The following FGF17 variants were observed in gnomAD, a reference collection of about 807,000 sequenced individuals.
FGF17 encodes fibroblast growth factor 17.
A neutral mutation model predicts 23.5 loss-of-function variants in FGF17; 5 were observed. The ratio of observed to expected loss-of-function variants is 0.21; its 90% CI spans 0.11 to 0.45. The LOEUF (loss-of-function observed/expected upper bound fraction) is 0.45. Among genes scored for constraint, FGF17 ranks in the 20% least tolerant of loss-of-function variants. FGF17 has a pLI of 0.99. For synonymous variants in FGF17, 136 were observed against 123.0 expected (o/e 1.11, Z -0.70); for missense variants, 221 against 306.9 (o/e 0.72, Z 2.09).
intron 2 of FGF17, chr8:22,045,200 A>G: frequency 1.0e-6 from 1 of 985,456 alleles, no homozygotes; most frequent in Non-Finnish European, 1.2e-6. Flanking sequence ...GTGGGGGGAA[A>G]TGGTTCCTCT....
rs375504582 is a variant in FGF17, at chr8:22,046,278, C to A, written c.237C>A (p.Asp79Glu). Reference protein sequence around the residue: ...TGRRISATAEDGNKFAKLIVE... With the variant: ...TGRRISATAEEGNKFAKLIVE... Reference sequence around the variant, plus strand: ...GTCGCATCTCCGCCACCGCCGAGGACGGCAACAAGTTTGGTGAGAGTTGGC... The same window carrying A: ...GTCGCATCTCCGCCACCGCCGAGGAAGGCAACAAGTTTGGTGAGAGTTGGC... Residue 79 changes from aspartate to glutamate, a missense_variant, in exon 3 of 5, where the codon GAC becomes GAA. This residue lies in a region of FGF17 where 58 missense variants were observed against 121.0 expected (regional missense o/e 0.48). Coordinates refer to ENST00000359441, the MANE Select transcript of FGF17 (RefSeq NM_003867.4). 2 of 1,613,464 alleles carry A rather than the reference C, an allele frequency of 1.2e-6. No homozygotes were observed. Among genetic ancestry groups the A allele is most frequent in the Admixed American group, 3.3e-5 (2 of 60,012 alleles).
intron 2 of FGF17, among the ~76,000 whole-genome samples, chr8:22,043,722 G>A (rs1030574348): frequency 4.6e-5 from 7 of 151,904 alleles, no homozygotes; most frequent in South Asian, 2.1e-4. Context: ...TGCAGGGTTC[G>A]CTTCTCCACA....
upstream of FGF17, among the ~76,000 whole-genome samples, chr8:22,040,983 G>A (rs1368625298): frequency 2.0e-5 from 3 of 152,298 alleles, no homozygotes; most frequent in East Asian, 1.9e-4. Context: ...AGGTGGGCAC[G>A]CGGGCACCTG....
In FGF17 at chr8:22,048,212, G is replaced by T; in HGVS notation, c.614G>T (p.Arg205Leu). Residue 205 changes from arginine (R) to leucine (L), a missense_variant, in exon 5 of 5, where the codon CGG becomes CTG. Around this residue, in one of 3 missense-constraint regions of FGF17, gnomAD observed 128 missense variants for 150.4 expected, o/e 0.85. Transcript: ENST00000359441. The surrounding 1 kb of genome is among the most constrained non-coding windows in gnomAD (Gnocchi z 6.9). ...TTTGTGGGCTCCGCCCCCACCCGCCGGACCAAGCGCACACGGCGGCCCCAG... is the reference window on the plus strand; with the variant it reads ...TTTGTGGGCTCCGCCCCCACCCGCCTGACCAAGCGCACACGGCGGCCCCAG... ...FEFVGSAPTR[R>L]TKRTRRPQPL... is the part of the protein sequence containing the mutation. The T allele has an allele frequency of 6.2e-7, 1 of 1,611,064 alleles. No individual in the cohort carries two copies. The highest frequency in any genetic ancestry group is 8.5e-7 in the Non-Finnish European group (1 of 1,179,168).
rs1801012761 is a variant in FGF17, at chr8:22,048,426, T to A, written c.*177T>A. On this transcript the variant is annotated 3_prime_UTR_variant, in exon 5 of 5. Transcript: ENST00000359441. This position sits in a 1 kb window ranked among gnomAD's most constrained non-coding sequence, Gnocchi z 6.9. ...GGCAGGCCGGTGCCCCAGGGGCGGCTGGCACAGTGCCCCCTTCCCGGACGG... is the reference window on the plus strand; with the variant it reads ...GGCAGGCCGGTGCCCCAGGGGCGGCAGGCACAGTGCCCCCTTCCCGGACGG... 1 of 627,812 alleles carries A rather than the reference T, an allele frequency of 1.6e-6. No homozygotes were observed. The allele number at this position is 627,812 out of a possible 1,614,324, so 38.9% of individuals were successfully genotyped here.
At chr8:22,047,119 CTA>C (rs992111291) in intron 4 of FGF17, among the ~76,000 whole-genome samples, 4 of 152,082 alleles carry the variant, frequency 2.6e-5, no homozygotes, top group African/African-American at 9.7e-5. Context: ...CCCCGGGACT[CTA>C]TTAGCCCTCT....
chr8:22,046,173 C>A lies in FGF17; in HGVS notation c.132C>A (p.Thr44=). 1 of 1,614,164 alleles carries A rather than the reference C, an allele frequency of 6.2e-7. No homozygotes were observed. The highest frequency in any genetic ancestry group is 1.1e-5 in the South Asian group (1 of 91,086). The change falls in exon 3 of 5, where the codon ACC becomes ACA. Residue 44 remains threonine, a synonymous_variant. Coordinates refer to ENST00000359441, the MANE Select transcript of FGF17 (RefSeq NM_003867.4). Reference sequence around the variant, plus strand: ...ACGTGAGGGACCAGGGCGCCATGACCGACCAGCTGAGCAGGCGGCAGATCC... The same window carrying A: ...ACGTGAGGGACCAGGGCGCCATGACAGACCAGCTGAGCAGGCGGCAGATCC... ...NQYVRDQGAM[T]DQLSRRQIRE...
chr8:22,041,386 T>A (rs893377297), upstream of FGF17, among the ~76,000 whole-genome samples: 1 of 152,108 alleles, frequency 6.6e-6, no homozygotes, highest in African/African-American at 2.4e-5. Flanking sequence ...TGGTCATCTC[T>A]TTAGGTAAAT....
chr8:22,041,915 CAG>C (rs1800745613), upstream of FGF17, among the ~76,000 whole-genome samples: 2 of 152,192 alleles, frequency 1.3e-5, no homozygotes, highest in Admixed American at 6.5e-5. Flanking sequence ...ACATGGGACA[CAG>C]GGAGGGGACT....
At chr8:22,042,488 G>C (rs1800754101), upstream of FGF17, 1 of 235,308 alleles carries the variant, frequency 4.2e-6, no homozygotes, top group East Asian at 1.0e-4. Context: ...GACCTGGAAG[G>C]GCTCCCCCTC....
At position 22,048,182 on chromosome 8, in the gene FGF17, T is replaced by A. The variant is rs776677805; in HGVS notation, c.584T>A (p.Phe195Tyr). The A allele has an allele frequency of 6.2e-7, 1 of 1,612,830 alleles. No homozygotes were observed. Among genetic ancestry groups the A allele is most frequent in the East Asian group, 2.2e-5 (1 of 44,842 alleles). ...AACCACGCCGAGAAGCAGAAGCAGT[T>A]CGAGTTTGTGGGCTCCGCCCCCACC... The part of the protein sequence containing the change: ...FPNHAEKQKQ[F>Y]EFVGSAPTRR... Residue 195 changes from phenylalanine to tyrosine, a missense_variant, in exon 5 of 5, where the codon TTC becomes TAC. Physicochemically the swap from Phe to Tyr is conservative, Grantham distance 22 (BLOSUM62 3). Coordinates refer to ENST00000359441, the MANE Select transcript of FGF17 (RefSeq NM_003867.4). The surrounding 1 kb of genome is among the most constrained non-coding windows in gnomAD (Gnocchi z 6.9).
upstream of FGF17, chr8:22,042,620 C>T (rs1197197949): frequency 1.2e-5 from 7 of 578,574 alleles, no homozygotes; most frequent in Non-Finnish European, 1.9e-5. Context: ...CATCCCTGCA[C>T]TGGGTGGCCC....
At chr8:22,042,766 C>G, upstream of FGF17, 1 of 659,502 alleles carries the variant, frequency 1.5e-6, no homozygotes, top group Non-Finnish European at 2.7e-6. Context: ...CTCCTCCTCC[C>G]TCTTTTCTCT....
upstream of FGF17, chr8:22,042,744 C>T: frequency 1.6e-6 from 1 of 626,508 alleles, no homozygotes; most frequent in East Asian, 2.7e-5. Context: ...CAATTACGCC[C>T]TCCTCCTCCC....
chr8:22,041,423 C>T (rs3176255), upstream of FGF17, among the ~76,000 whole-genome samples: 95 of 152,246 alleles, frequency 6.2e-4, 1 homozygote, highest in East Asian at 0.012. Flanking sequence ...CTTCCCCTTC[C>T]CTTCCCACCC....
intron 1 of FGF17, 80 bp downstream of exon 1, chr8:22,043,043 C>G (rs372018973): frequency 1.3e-6 from 2 of 1,599,700 alleles, no homozygotes; most frequent in Non-Finnish European, 8.5e-7. Flanking sequence ...GGGACTCCCA[C>G]GCGTGCGTGC....
rs1259180086 is a variant in FGF17 at position 22,048,171 on chromosome 8, G to A, written c.573G>A (p.Lys191=). ...GQLPFPNHAE[K]QKQFEFVGSA... is the part of the protein sequence containing the mutation. ...TGCCCTTCCCCAACCACGCCGAGAA[G>A]CAGAAGCAGTTCGAGTTTGTGGGCT... The change falls in exon 5 of 5, where the codon AAG becomes AAA. Residue 191 remains lysine, a synonymous_variant. Coordinates refer to ENST00000359441, the MANE Select transcript of FGF17 (RefSeq NM_003867.4). The surrounding 1 kb of genome is among the most constrained non-coding windows in gnomAD (Gnocchi z 6.9). The A allele has an allele frequency of 6.2e-7, 1 of 1,613,198 alleles. No homozygotes were observed. Among genetic ancestry groups the A allele is most frequent in the East Asian group, 2.2e-5 (1 of 44,864 alleles).
chr8:22,045,109 C>T (rs537731264), intron 2 of FGF17: 1 of 985,424 alleles, frequency 1.0e-6, no homozygotes, highest in African/African-American at 1.7e-5. Context: ...AAGAAGTACT[C>T]AGTCTCTCCC....
chr8:22,043,047 T>G, intron 1 of FGF17, 84 bp downstream of exon 1: 1 of 1,597,202 alleles, frequency 6.3e-7, no homozygotes, highest in Non-Finnish European at 8.6e-7. Context: ...CTCCCACGCG[T>G]GCGTGCACGG....
Sources: gnomAD v4.1 joint callset for allele counts (sites outside exome capture counted in the v4.1 genomes callset) on GRCh38, gnomAD v4.1.1 for gene constraint, gnomAD v4.1.1 regional missense constraint, Gnocchi (gnomAD v3.1) non-coding constraint, MANE v1.5 for transcripts, NCBI Gene and HGNC (gene_info 2026-07-23, HGNC 2026-07-21) for gene names.